Variants in CD274 observed in about 807,000 individuals in gnomAD.
The protein encoded by CD274 is CD274 molecule.
CD274 carries 8 observed loss-of-function variants against 30.1 expected under a neutral mutation model. The ratio of observed to expected loss-of-function variants is 0.27; its 90% confidence interval spans 0.16 to 0.48. The LOEUF (loss-of-function observed/expected upper bound fraction) is 0.48. CD274 is among the 20% of genes least tolerant of loss of function. The pLI, the probability that CD274 is intolerant of heterozygous loss-of-function variation, is 0.99. For missense variants in CD274, 353 were observed against 346.6 expected, an observed-to-expected ratio of 1.02 and a Z score of -0.15; for synonymous variants, 152 against 124.6, an observed-to-expected ratio of 1.22 and a Z score of -1.46.
Position 5,468,139 on chromosome 9 carries a change from A to C in CD274, c.*277A>C. 1 of 451,058 alleles carries C rather than the reference A, an allele frequency of 2.2e-6. No individual in the cohort carries two copies. The highest frequency in any genetic ancestry group is 4.0e-6 in the Non-Finnish European group (1 of 252,702). The allele number at this position is 451,058 out of a possible 1,614,324, so 27.9% of individuals were successfully genotyped here. A position where few individuals can be genotyped will look rare whatever the true frequency, so the allele number is the denominator to read the frequency against. On this transcript the variant is annotated 3_prime_UTR_variant, in exon 7 of 7. Transcript: ENST00000381577. The stretch of plus-strand genomic sequence containing the variant: ...TGACAGGGAGAAAGGATACTTCTGA[A>C]CAAGGAGCCTCCAAGCAAATCATCC...
chr9:5,463,719 G>A (rs998956497), intron 4 of CD274, among the ~76,000 whole-genome samples: 2 of 152,154 alleles, frequency 1.3e-5, no homozygotes, highest in Non-Finnish European at 2.9e-5. Context: ...GTGTCCCTGG[G>A]CAAATTACTA....
At position 5,469,734 on chromosome 9, in the gene CD274, C is replaced by T. The variant is rs1819558916; in HGVS notation, c.*1872C>T. ...ACAACCACCATTTGTTAAGTATTTGCTCTAGGACAGAGTTTGGATTTGTTT... is the reference window on the plus strand; with the variant it reads ...ACAACCACCATTTGTTAAGTATTTGTTCTAGGACAGAGTTTGGATTTGTTT... On this transcript the variant is annotated 3_prime_UTR_variant, in exon 7 of 7. Coordinates refer to ENST00000381577, the MANE Select transcript of CD274 (RefSeq NM_014143.4). The T allele has an allele frequency of 4.3e-6, 1 of 232,346 alleles. No homozygotes were observed. The highest frequency in any genetic ancestry group is 5.6e-5 in the Admixed American group (1 of 17,744). The allele number at this position is 232,346 out of a possible 1,614,324, so 14.4% of individuals were successfully genotyped here.
intron 5 of CD274, among the ~76,000 whole-genome samples, 196 bp from the exon 6 acceptor site, chr9:5,466,574 A>T (rs909879032): frequency 6.6e-6 from 1 of 152,020 alleles, no homozygotes; most frequent in African/African-American, 2.4e-5. Context: ...CTCCTCAAGA[A>T]CATCTAGGAT....
At chr9:5,455,814 C>A (rs535697598) in intron 1 of CD274, among the ~76,000 whole-genome samples, 1 of 152,256 alleles carries the variant, frequency 6.6e-6, no homozygotes, top group South Asian at 2.1e-4. Flanking sequence ...GCAATATTAT[C>A]TTCTTGGCTT....
intron 6 of CD274, 143 bp from the exon 7 acceptor site, chr9:5,467,697 C>G (rs1477747354): frequency 5.2e-6 from 4 of 772,804 alleles, no homozygotes; most frequent in Non-Finnish European, 9.0e-6. Context: ...TAATTGGGTA[C>G]AAATATAACC....
At position 5,469,221 on chromosome 9, in the gene CD274, C is replaced by T. The variant is rs746064465; in HGVS notation, c.*1359C>T. On this transcript the variant is annotated 3_prime_UTR_variant, in exon 7 of 7. Transcript: ENST00000381577. Reference sequence around the variant, plus strand: ...TAGCATTATATTTATTCCTGATTTGCCTTTGCCATATAATCTAATGCTTGT... The same window carrying T: ...TAGCATTATATTTATTCCTGATTTGTCTTTGCCATATAATCTAATGCTTGT... 7 of 232,856 alleles carry T rather than the reference C, an allele frequency of 3.0e-5. 1 individual carries two copies. The South Asian group carries it at 5.4e-4, about 18-fold the overall frequency. The allele number at this position is 232,856 out of a possible 1,614,324, so 14.4% of individuals were successfully genotyped here.
At chr9:5,466,739 A>C (rs117172412) in intron 5 of CD274, 31 bp from the exon 6 acceptor site, 6 of 1,554,930 alleles carry the variant, frequency 3.9e-6, no homozygotes, top group South Asian at 3.4e-5. Context: ...GCTGTGCTAT[A>C]TGGAAATAAA....
chr9:5,461,063 T>C (rs1819395341), intron 3 of CD274, among the ~76,000 whole-genome samples: 1 of 152,198 alleles, frequency 6.6e-6, no homozygotes, highest in Admixed American at 6.5e-5. Flanking sequence ...TCACTATCAT[T>C]AGCTAATATG....
chr9:5,465,357 G>A (rs1418957439), intron 4 of CD274, 142 bp from the exon 5 acceptor site: 7 of 580,408 alleles, frequency 1.2e-5, no homozygotes, highest in African/African-American at 3.7e-5. Context: ...CAGGTATCTC[G>A]CCATTCCAGC....
intron 3 of CD274, among the ~76,000 whole-genome samples, chr9:5,458,601 A>G (rs898893471): frequency 6.6e-6 from 1 of 152,238 alleles, no homozygotes; most frequent in Non-Finnish European, 1.5e-5. Context: ...TCACTGATCA[A>G]TTATTAATCA....
chr9:5,451,676 T>C (rs1182209164), intron 1 of CD274, among the ~76,000 whole-genome samples: 1 of 152,178 alleles, frequency 6.6e-6, no homozygotes, highest in African/African-American at 2.4e-5. Context: ...TTCAAGGAAG[T>C]CACAGAAATA....
intron 1 of CD274, 32 bp downstream of exon 1, chr9:5,450,628 C>G (rs997846281): frequency 6.6e-6 from 1 of 152,268 alleles, no homozygotes; most frequent in Non-Finnish European, 1.5e-5. Context: ...CGGGTGCCCA[C>G]GGCCCAGTAT....
rs754723387 is a variant in CD274, at chr9:5,462,854, C to G, written c.415C>G (p.Gln139Glu). The G allele has an allele frequency of 6.2e-7, 1 of 1,613,418 alleles. No individual in the cohort carries two copies. Among genetic ancestry groups the G allele is most frequent in the Admixed American group, 1.7e-5 (1 of 59,982 alleles). The stretch of plus-strand genomic sequence containing the variant: ...CCTAGCCCCATACAACAAAATCAAC[C>G]AAAGAATTTTGGTTGTGGATCCAGT... ...KVNAPYNKIN[Q>E]RILVVDPVTS... Residue 139 changes from glutamine to glutamate, a missense_variant, in exon 4 of 7, where the codon CAA becomes GAA. Physicochemically the swap from Gln to Glu is conservative, Grantham distance 29. Transcript: ENST00000381577.
chr9:5,468,910 A>G lies in CD274; in HGVS notation c.*1048A>G. 1 of 233,188 alleles carries G rather than the reference A, an allele frequency of 4.3e-6. No homozygotes were observed. The highest frequency in any genetic ancestry group is 6.0e-5 in the East Asian group (1 of 16,586). The allele number at this position is 233,188 out of a possible 1,614,324, so 14.4% of individuals were successfully genotyped here. On this transcript the variant is annotated 3_prime_UTR_variant, in exon 7 of 7. Coordinates refer to ENST00000381577, the MANE Select transcript of CD274 (RefSeq NM_014143.4). ...TGCAATATCAATCGCTGTGCCAGGC[A>G]TTGAATCTACAGATGTGAGCAAGAC...
chr9:5,461,458 G>A (rs1412482047), intron 3 of CD274, among the ~76,000 whole-genome samples: 1 of 152,028 alleles, frequency 6.6e-6, no homozygotes. Context: ...GTTTCCACTG[G>A]TAGTGGTTTC....
chr9:5,468,143 G>C lies in CD274; in HGVS notation c.*281G>C. ...AGGGAGAAAGGATACTTCTGAACAAGGAGCCTCCAAGCAAATCATCCATTG... is the reference window on the plus strand; with the variant it reads ...AGGGAGAAAGGATACTTCTGAACAACGAGCCTCCAAGCAAATCATCCATTG... On this transcript the variant is annotated 3_prime_UTR_variant, in exon 7 of 7. Coordinates refer to ENST00000381577, the MANE Select transcript of CD274 (RefSeq NM_014143.4). 2.3e-6 allele frequency: 1 copy of C among 443,494 alleles called. No individual in the cohort carries two copies. The highest frequency in any genetic ancestry group is 4.4e-5 in the South Asian group (1 of 22,794). 27.5% of individuals were successfully genotyped at this position (443,494 alleles called of 1,614,324 possible).
chr9:5,470,236 G>C lies in CD274; in HGVS notation c.*2374G>C, dbSNP rs1819566907. On this transcript the variant is annotated 3_prime_UTR_variant, in exon 7 of 7. Coordinates refer to ENST00000381577, the MANE Select transcript of CD274 (RefSeq NM_014143.4). ...CTGTTTGTACATGTGCATTTGTACA[G>C]TAATTGGTGTGACAGTGTTCTTTGT... The C allele has an allele frequency of 4.3e-6, 1 of 232,634 alleles. No homozygotes were observed. The highest frequency in any genetic ancestry group is 5.6e-5 in the Admixed American group (1 of 17,754). The allele number at this position is 232,634 out of a possible 1,614,324, so 14.4% of individuals were successfully genotyped here. A position where few individuals can be genotyped will look rare whatever the true frequency, so the allele number is the denominator to read the frequency against.
At chr9:5,463,360 T>C (rs1466382059) in intron 4 of CD274, 7 of 509,004 alleles carry the variant, frequency 1.4e-5, no homozygotes, top group African/African-American at 7.6e-5. Context: ...GTAGTACTCA[T>C]TGGATACACA....
At position 5,462,984 on chromosome 9, in the gene CD274, C is replaced by A. The variant is rs555485716; in HGVS notation, c.545C>A (p.Thr182Asn). 8.1e-6 allele frequency: 13 copies of A among 1,613,956 alleles called. No homozygotes were observed. Among genetic ancestry groups the A allele is most frequent in the Non-Finnish European group, 5.9e-6 (7 of 1,179,960 alleles). Reference sequence around the variant, plus strand: ...GTCCTGAGTGGTAAGACCACCACCACCAATTCCAAGAGAGAGGAGAAGCTT... The same window carrying A: ...GTCCTGAGTGGTAAGACCACCACCAACAATTCCAAGAGAGAGGAGAAGCTT... ...HQVLSGKTTT[T>N]NSKREEKLFN... The change falls in exon 4 of 7, where the codon ACC (threonine) becomes AAC (asparagine). Residue 182 changes from threonine (T) to asparagine (N), a missense_variant. Coordinates refer to ENST00000381577, the MANE Select transcript of CD274 (RefSeq NM_014143.4).
Sources: allele counts gnomAD v4.1 joint callset (sites outside exome capture counted in the v4.1 genomes callset), GRCh38; gene constraint gnomAD v4.1.1; transcripts MANE v1.5; gene names NCBI Gene and HGNC (gene_info 2026-07-23, HGNC 2026-07-21).